CALN1: variants seen among roughly 807,000 people sequenced by gnomAD.
CALN1 encodes the protein calcium-binding protein 8.
Under a neutral mutation model 30.6 loss-of-function variants are expected in CALN1, and 17 were observed. The observed-to-expected ratio is 0.56, with a 90% CI of 0.38 to 0.83. The LOEUF (loss-of-function observed/expected upper bound fraction) is 0.83. Ranked by LOEUF, CALN1 falls within the 40% of genes least tolerant of loss-of-function variation. The pLI, the probability that CALN1 is intolerant of heterozygous loss-of-function variation, is 0.00. For synonymous variants in CALN1, 156 were observed against 131.4 expected (o/e 1.19, Z -1.28); for missense variants, 291 against 354.9 (o/e 0.82, Z 1.45).
At chr7:72,026,002 G>A (rs930636966) in intron 4 of CALN1, among the ~76,000 whole-genome samples, 1 of 152,124 alleles carries the variant, frequency 6.6e-6, no homozygotes, top group African/African-American at 2.4e-5. Flanking sequence ...ATGAAGAGGG[G>A]CAGTCGGTGG....
At chr7:72,280,871 G>A (rs1169656672) in intron 2 of CALN1, among the ~76,000 whole-genome samples, 5 of 152,226 alleles carry the variant, frequency 3.3e-5, no homozygotes, top group African/African-American at 4.8e-5. Context: ...AGTTGGGTGC[G>A]GTGGCTCACA....
chr7:72,317,947 T>C (rs1343064037), intron 2 of CALN1, among the ~76,000 whole-genome samples: 1 of 152,096 alleles, frequency 6.6e-6, no homozygotes, highest in Non-Finnish European at 1.5e-5. Flanking sequence ...GAAAAATATT[T>C]CACTCTGTGC....
chr7:72,068,790 C>T lies in CALN1; in HGVS notation c.388+37361G>A, dbSNP rs142529090. On this transcript the variant is annotated intron_variant, in intron 4 of 6. Coordinates refer to ENST00000395275, the MANE Select transcript of CALN1 (RefSeq NM_031468.4). ...ACAGGCATGAGCCACCGCACTGGGC[C>T]GGGCCTCATTTTGCATATTTTTTGT... Among the ~76,000 whole-genome samples the T allele has an allele frequency of 1.6e-4, 24 of 152,230 alleles. No individual in the cohort carries two copies. The East Asian group carries it at 2.7e-3, about 17-fold the overall frequency.
intron 4 of CALN1, among the ~76,000 whole-genome samples, chr7:72,088,744 G>GGAA (rs1805652867): frequency 6.8e-6 from 1 of 146,058 alleles, no homozygotes; most frequent in African/African-American, 2.5e-5. Flanking sequence ...AAGGAAGGAA[G>GGAA]GGAAGGAAGG....
At chr7:72,081,491 T>C (rs1805142247) in intron 4 of CALN1, among the ~76,000 whole-genome samples, 1 of 149,766 alleles carries the variant, frequency 6.7e-6, no homozygotes, top group African/African-American at 2.5e-5. Context: ...AATGCAATCA[T>C]AGCTCACTAC....
intron 2 of CALN1, among the ~76,000 whole-genome samples, chr7:72,338,719 T>G (rs1040444508): frequency 7.2e-5 from 11 of 152,112 alleles, no homozygotes; most frequent in African/African-American, 2.4e-4. Flanking sequence ...GTACATGAGA[T>G]GTTTTGTTAC....
intron 2 of CALN1, among the ~76,000 whole-genome samples, chr7:72,353,685 T>C (rs1162711155): frequency 6.6e-6 from 1 of 152,166 alleles, no homozygotes; most frequent in African/African-American, 2.4e-5. Flanking sequence ...TGAACATTTG[T>C]TGGAGGCTCC....
intron 4 of CALN1, among the ~76,000 whole-genome samples, chr7:72,084,382 T>A (rs1016538662): frequency 7.9e-6 from 1 of 127,384 alleles, no homozygotes; most frequent in Admixed American, 8.9e-5. Context: ...GAAAATGTAG[T>A]AAAATTTTTT....
Position 72,216,851 on chromosome 7 carries a change from A to G in CALN1, c.244+61835T>C, listed in dbSNP as rs1208891853. Reference sequence around the variant, plus strand: ...ACAGCAGACTCAACTTCTCCACCTGAAGTGATCCTCCTGCCTCAGCCTCCT... The same window carrying G: ...ACAGCAGACTCAACTTCTCCACCTGGAGTGATCCTCCTGCCTCAGCCTCCT... On this transcript the variant is annotated intron_variant, in intron 3 of 6. Coordinates refer to ENST00000395275, the MANE Select transcript of CALN1 (RefSeq NM_031468.4). Among the ~76,000 whole-genome samples the G allele has an allele frequency of 3.9e-5, 6 of 152,234 alleles. No homozygotes were observed. The East Asian group carries it at 1.2e-3, about 30-fold the overall frequency.
At chr7:72,124,326 T>A (rs933482331) in intron 3 of CALN1, among the ~76,000 whole-genome samples, 1 of 152,114 alleles carries the variant, frequency 6.6e-6, no homozygotes, top group Non-Finnish European at 1.5e-5. Context: ...CATCACACCA[T>A]AGACCCAAAT....
At chr7:72,272,290 G>A (rs115685053) in intron 3 of CALN1, among the ~76,000 whole-genome samples, 11 of 152,164 alleles carry the variant, frequency 7.2e-5, no homozygotes, top group African/African-American at 2.4e-4. Context: ...GGCCAGGTGT[G>A]TTCGCTCATG....
chr7:71,905,288 T>G (rs1794070060), intron 5 of CALN1, among the ~76,000 whole-genome samples: 2 of 152,060 alleles, frequency 1.3e-5, no homozygotes, highest in African/African-American at 2.4e-5. Flanking sequence ...GGGGTACAAG[T>G]GGCTTTTTGT....
At chr7:72,398,259 G>A (rs1806110592) in intron 2 of CALN1, among the ~76,000 whole-genome samples, 1 of 152,200 alleles carries the variant, frequency 6.6e-6, no homozygotes, top group African/African-American at 2.4e-5. Context: ...AAGTTTACAG[G>A]TCTTGTTTAT....
At chr7:72,383,527 G>A (rs900077616) in intron 2 of CALN1, among the ~76,000 whole-genome samples, 1 of 152,006 alleles carries the variant, frequency 6.6e-6, no homozygotes, top group Non-Finnish European at 1.5e-5. Flanking sequence ...ATGTTTGTTG[G>A]CTGCCTGCAT....
intron 6 of CALN1, among the ~76,000 whole-genome samples, chr7:71,803,054 T>C (rs1787400086): frequency 6.6e-6 from 1 of 152,040 alleles, no homozygotes; most frequent in South Asian, 2.1e-4. Flanking sequence ...AAAAAAAGTA[T>C]AGCAAGCATA....
At chr7:72,189,519 G>A (rs771618118) in intron 3 of CALN1, among the ~76,000 whole-genome samples, 15 of 152,172 alleles carry the variant, frequency 9.9e-5, no homozygotes, top group Non-Finnish European at 1.8e-4. Flanking sequence ...CCCTTTGGGA[G>A]GCCAAGACTA....
chr7:71,824,225 T>C (rs1172873419), intron 5 of CALN1, among the ~76,000 whole-genome samples: 1 of 151,686 alleles, frequency 6.6e-6, no homozygotes, highest in Admixed American at 6.6e-5. Flanking sequence ...ATACATGTTT[T>C]CTGAATGACT....
At chr7:72,065,052 T>TGTTA (rs1347441052) in intron 4 of CALN1, among the ~76,000 whole-genome samples, 7 of 148,428 alleles carry the variant, frequency 4.7e-5, no homozygotes, top group African/African-American at 1.7e-4. Context: ...AATATATTTA[T>TGTTA]ATGTTAATAT....
chr7:71,989,844 A>C (rs1002956565), intron 5 of CALN1, among the ~76,000 whole-genome samples: 3 of 152,194 alleles, frequency 2.0e-5, no homozygotes, highest in Non-Finnish European at 4.4e-5. Context: ...TATGGAACAG[A>C]AGCAGGAGGA....
Sources: gnomAD v4.1 joint callset for allele counts (sites outside exome capture counted in the v4.1 genomes callset) on GRCh38, gnomAD v4.1.1 for gene constraint, MANE v1.5 for transcripts, NCBI Gene and HGNC (gene_info 2026-07-23, HGNC 2026-07-21) for gene names.